Variants in PRKCA observed in about 807,000 individuals in gnomAD.
The protein encoded by PRKCA is protein kinase C alpha type.
PRKCA carries 27 observed loss-of-function variants against 87.0 expected under a neutral mutation model. The observed-to-expected ratio is 0.31, with a 90% CI of 0.23 to 0.43. The LOEUF (loss-of-function observed/expected upper bound fraction) is 0.43. PRKCA is among the 20% of genes least tolerant of loss of function. PRKCA has a pLI of 1.00. For missense variants in PRKCA, 518 were observed against 852.3 expected (o/e 0.61, Z 4.88); for synonymous variants, 329 against 311.1 (o/e 1.06, Z -0.61).
intron 5 of PRKCA, among the ~76,000 whole-genome samples, chr17:66,681,735 C>T (rs1972500261): frequency 6.6e-6 from 1 of 152,196 alleles, no homozygotes; most frequent in Non-Finnish European, 1.5e-5. Context: ...CTCTTGGTCC[C>T]TAAGTGATGC....
intron 5 of PRKCA, among the ~76,000 whole-genome samples, chr17:66,662,332 G>A (rs1971928999): frequency 6.6e-6 from 1 of 152,116 alleles, no homozygotes; most frequent in African/African-American, 2.4e-5. Flanking sequence ...TGACTCATGG[G>A]CTCTACAACA....
At chr17:66,780,021 G>A (rs1237207211) in intron 14 of PRKCA, among the ~76,000 whole-genome samples, 1 of 152,184 alleles carries the variant, frequency 6.6e-6, no homozygotes, top group East Asian at 1.9e-4. Context: ...TCAACGCCAG[G>A]GCCTGAGAGC....
rs139561904 is a variant in PRKCA at position 66,475,806 on chromosome 17, C to T, written c.206-20395C>T. ...AGTGCCATCACACATAATTGTGGAACGAGAGATTTTGATTGCAGTCAATGA... is the reference window on the plus strand; with the variant it reads ...AGTGCCATCACACATAATTGTGGAATGAGAGATTTTGATTGCAGTCAATGA... On this transcript the variant is annotated intron_variant, in intron 2 of 16. Transcript: ENST00000413366. Among the ~76,000 whole-genome samples the T allele has an allele frequency of 1.6e-4, 25 of 152,264 alleles. No homozygotes were observed. In the East Asian group the frequency reaches 4.4e-3, roughly 27 times the overall value.
chr17:66,765,418 C>CTATATATATATATATATATA (rs58356468), intron 13 of PRKCA, among the ~76,000 whole-genome samples: 5 of 49,334 alleles, frequency 1.0e-4, no homozygotes, highest in Non-Finnish European at 1.9e-4. Flanking sequence ...AAGACTTTGT[C>CTATATATATATATATATATA]TATATATATA....
At chr17:66,668,920 T>C (rs1972105631) in intron 5 of PRKCA, among the ~76,000 whole-genome samples, 1 of 151,966 alleles carries the variant, frequency 6.6e-6, no homozygotes, top group Non-Finnish European at 1.5e-5. Context: ...CTGGGCAACA[T>C]AGCAAGTTCT....
At chr17:66,581,271 A>G (rs1183662722) in intron 3 of PRKCA, among the ~76,000 whole-genome samples, 1 of 152,088 alleles carries the variant, frequency 6.6e-6, no homozygotes. Flanking sequence ...CGTTGCAACC[A>G]CTCAATTCTG....
At chr17:66,801,939 G>C (rs1304226209) in intron 16 of PRKCA, among the ~76,000 whole-genome samples, 1 of 152,230 alleles carries the variant, frequency 6.6e-6, no homozygotes, top group Non-Finnish European at 1.5e-5. Flanking sequence ...TAAGCCCAGA[G>C]GCTGGACGCG....
intron 3 of PRKCA, among the ~76,000 whole-genome samples, chr17:66,567,478 G>A (rs576025251): frequency 6.6e-6 from 1 of 152,332 alleles, no homozygotes; most frequent in East Asian, 1.9e-4. Flanking sequence ...CAGGCCACAG[G>A]CAGGTCTGTC....
At chr17:66,547,666 A>C (rs559862124) in intron 3 of PRKCA, among the ~76,000 whole-genome samples, 1 of 152,328 alleles carries the variant, frequency 6.6e-6, no homozygotes, top group East Asian at 1.9e-4. Flanking sequence ...TTGAGAATCA[A>C]GAGTCATTTT....
chr17:66,517,261 C>T (rs566493834), intron 3 of PRKCA, among the ~76,000 whole-genome samples: 10 of 152,052 alleles, frequency 6.6e-5, no homozygotes, highest in Non-Finnish European at 1.0e-4. Context: ...TCCAGCCTGG[C>T]GACAGAGTGA....
intron 14 of PRKCA, among the ~76,000 whole-genome samples, chr17:66,778,948 C>G (rs898038800): frequency 6.6e-6 from 1 of 152,122 alleles, no homozygotes; most frequent in Non-Finnish European, 1.5e-5. Flanking sequence ...CCACCTCACC[C>G]GCCTCAAACA....
intron 3 of PRKCA, among the ~76,000 whole-genome samples, chr17:66,532,085 G>C (rs1454408961): frequency 6.6e-6 from 1 of 151,872 alleles, no homozygotes; most frequent in Non-Finnish European, 1.5e-5. Context: ...TTCCAAGAGG[G>C]AACATTGCAG....
intron 5 of PRKCA, among the ~76,000 whole-genome samples, chr17:66,648,354 G>A (rs1251151703): frequency 6.6e-6 from 1 of 152,178 alleles, no homozygotes; most frequent in African/African-American, 2.4e-5. Context: ...TCCTCCACAG[G>A]ACCGCTTTCT....
chr17:66,451,268 C>T (rs924702201), intron 2 of PRKCA, among the ~76,000 whole-genome samples: 5 of 152,166 alleles, frequency 3.3e-5, no homozygotes, highest in East Asian at 1.9e-4. Context: ...ATTTGATCTA[C>T]GTGTGGATAT....
chr17:66,302,757 G>T lies in PRKCA; in HGVS notation c.-95G>T. 4 of 1,027,892 alleles carry T rather than the reference G, an allele frequency of 3.9e-6. No homozygotes were observed. The highest frequency in any genetic ancestry group is 4.8e-6 in the Non-Finnish European group (4 of 829,746). 63.7% of individuals were successfully genotyped at this position (1,027,892 alleles called of 1,614,324 possible). ...CGGCCCGCGCCCCGCGCCCGGGGTC[G>T]CCCCGAGCCCGCACCTCTCCCCCGC... On this transcript the variant is annotated 5_prime_UTR_variant, in exon 1 of 17. Coordinates refer to ENST00000413366, the MANE Select transcript of PRKCA (RefSeq NM_002737.3).
intron 8 of PRKCA, among the ~76,000 whole-genome samples, chr17:66,711,334 A>C (rs1011762308): frequency 6.6e-6 from 1 of 152,202 alleles, no homozygotes; most frequent in Non-Finnish European, 1.5e-5. Flanking sequence ...ATGTAGTGTA[A>C]TATATCATAG....
intron 2 of PRKCA, among the ~76,000 whole-genome samples, chr17:66,491,757 C>G (rs767987673): frequency 3.1e-5 from 4 of 130,704 alleles, no homozygotes; most frequent in Non-Finnish European, 5.5e-5. Context: ...CAAGACTTCT[C>G]AAATGTCTTC....
chr17:66,431,562 G>A (rs1462956034), intron 2 of PRKCA, among the ~76,000 whole-genome samples: 4 of 152,326 alleles, frequency 2.6e-5, no homozygotes, highest in South Asian at 2.1e-4. Context: ...TATTGCAGAA[G>A]TTTAGTCTCT....
At chr17:66,312,406 C>T (rs1905127338) in intron 2 of PRKCA, among the ~76,000 whole-genome samples, 1 of 152,152 alleles carries the variant, frequency 6.6e-6, no homozygotes, top group Non-Finnish European at 1.5e-5. Context: ...AATTGTTTTT[C>T]TTCATGCAGA....
Sources: gnomAD v4.1 joint callset for allele counts (sites outside exome capture counted in the v4.1 genomes callset) on GRCh38, gnomAD v4.1.1 for gene constraint, MANE v1.5 for transcripts, NCBI Gene and HGNC (gene_info 2026-07-23, HGNC 2026-07-21) for gene names.